Variants in BEND7 observed in about 807,000 individuals in gnomAD.
The protein encoded by BEND7 is BEN domain containing 7.
In BEND7, 28 loss-of-function variants were observed where a neutral mutation model predicts 50.9. The observed-to-expected ratio is 0.55, with a 90% confidence interval of 0.41 to 0.75. The LOEUF (loss-of-function observed/expected upper bound fraction) is 0.75. BEND7 is among the 30% of genes least tolerant of loss of function. The pLI, the probability that BEND7 is intolerant of heterozygous loss-of-function variation, is 0.00. For synonymous variants in BEND7, 170 were observed against 183.9 expected (o/e 0.92, Z 0.61); for missense variants, 477 against 491.3 (o/e 0.97, Z 0.28).
intron 6 of BEND7, among the ~76,000 whole-genome samples, chr10:13,477,656 AT>A (rs2075556260): frequency 6.6e-6 from 1 of 152,232 alleles, no homozygotes; most frequent in African/African-American, 2.4e-5. Context: ...TTTATATTCA[AT>A]TTTGGTTTCT....
intron 6 of BEND7, among the ~76,000 whole-genome samples, chr10:13,471,820 G>A (rs1402232699): frequency 1.3e-5 from 2 of 152,270 alleles, no homozygotes; most frequent in Admixed American, 6.5e-5. Context: ...CTTCACAGGG[G>A]CTGTTGTGTG....
chr10:13,453,991 G>C (rs1463743493), intron 6 of BEND7, among the ~76,000 whole-genome samples: 1 of 152,196 alleles, frequency 6.6e-6, no homozygotes, highest in African/African-American at 2.4e-5. Context: ...CAATCCGATT[G>C]TGCAGGAAGA....
intron 3 of BEND7, 39 bp from the exon 4 acceptor site, chr10:13,496,927 CCAA>C: frequency 1.2e-6 from 1 of 810,680 alleles, no homozygotes; most frequent in Non-Finnish European, 1.5e-6. Context: ...TCCAAACAAA[CCAA>C]AAAAAAAAAA....
chr10:13,499,810 T>C lies in BEND7; in HGVS notation c.416A>G (p.Gln139Arg). The C allele has an allele frequency of 6.2e-7, 1 of 1,610,336 alleles. No individual in the cohort carries two copies. The highest frequency in any genetic ancestry group is 1.1e-5 in the South Asian group (1 of 90,954). The change falls in exon 3 of 9, where the codon CAA becomes CGA. Residue 139 changes from glutamine to arginine, a missense_variant. Gln to Arg is a conservative substitution (Grantham distance 43, BLOSUM62 1). Around this residue, in one of 3 missense-constraint regions of BEND7, gnomAD observed 396 missense variants for 384.2 expected, o/e 1.03. Transcript: ENST00000466271. The stretch of plus-strand genomic sequence containing the variant: ...GCTCGTGGTAGGGTGGGGCTGGCTT[T>C]GGAAGGTTCTAGAACGGGTGCCATA... Reference protein sequence around the residue: ...GQYGTRSRTFQSQPHPTTSSN... With the variant: ...GQYGTRSRTFRSQPHPTTSSN...
chr10:13,480,201 T>G (rs375723969), intron 6 of BEND7, among the ~76,000 whole-genome samples: 3 of 152,228 alleles, frequency 2.0e-5, no homozygotes, highest in African/African-American at 7.2e-5. Flanking sequence ...ATTTTAAAGT[T>G]AAGAGAAGTA....
chr10:13,526,428 C>T (rs1159382698), intron 1 of BEND7, among the ~76,000 whole-genome samples: 1 of 152,196 alleles, frequency 6.6e-6, no homozygotes, highest in African/African-American at 2.4e-5. Context: ...TGAAAGATTA[C>T]TTTGGCTTTA....
At chr10:13,519,528 GGAGA>G (rs2078942094) in intron 2 of BEND7, among the ~76,000 whole-genome samples, 1 of 151,822 alleles carries the variant, frequency 6.6e-6, no homozygotes, top group African/African-American at 2.4e-5. Context: ...TCTGGGAGAA[GGAGA>G]GAGAATGGGG....
intron 4 of BEND7, among the ~76,000 whole-genome samples, chr10:13,494,983 G>A (rs564061324): frequency 5.3e-5 from 8 of 152,244 alleles, no homozygotes; most frequent in South Asian, 4.1e-4. Flanking sequence ...CTTTGGAATC[G>A]TTTACCTCCC....
chr10:13,476,035 C>G (rs910820912), intron 6 of BEND7, among the ~76,000 whole-genome samples: 1 of 152,172 alleles, frequency 6.6e-6, no homozygotes, highest in Admixed American at 6.5e-5. Flanking sequence ...TAAATCGATG[C>G]AAATTCCACC....
intron 2 of BEND7, among the ~76,000 whole-genome samples, chr10:13,509,783 G>A (rs184615919): frequency 1.6e-4 from 25 of 152,238 alleles, no homozygotes; most frequent in Middle Eastern, 3.4e-3. Flanking sequence ...TGGAGTTAAG[G>A]CAATGAATGG....
chr10:13,487,971 T>C (rs2076355863), intron 5 of BEND7, among the ~76,000 whole-genome samples: 1 of 150,282 alleles, frequency 6.7e-6, no homozygotes, highest in African/African-American at 2.5e-5. Flanking sequence ...CAGGCACCCA[T>C]AGTCCCAGCT....
At chr10:13,480,594 T>TTTTA in intron 6 of BEND7, 1 of 680,794 alleles carries the variant, frequency 1.5e-6, no homozygotes, top group Non-Finnish European at 1.7e-6. Context: ...CTGAGGAAGC[T>TTTTA]CTTAGAAATT....
chr10:13,507,833 A>G (rs1457822707), intron 2 of BEND7, among the ~76,000 whole-genome samples: 3 of 152,240 alleles, frequency 2.0e-5, no homozygotes, highest in African/African-American at 7.2e-5. Flanking sequence ...AACGTATTTT[A>G]AAGAAAAATG....
At chr10:13,496,928 C>CAAAAAAAAAAA (rs5783327) in intron 3 of BEND7, 40 bp from the exon 4 acceptor site, 8 of 1,133,394 alleles carry the variant, frequency 7.1e-6, no homozygotes, top group South Asian at 5.6e-5. Flanking sequence ...CCAAACAAAC[C>CAAAAAAAAAAA]AAAAAAAAAA....
At chr10:13,482,845 G>A (rs1169930614) in intron 5 of BEND7, among the ~76,000 whole-genome samples, 1 of 152,208 alleles carries the variant, frequency 6.6e-6, no homozygotes, top group African/African-American at 2.4e-5. Flanking sequence ...CAGAACAGAG[G>A]TGGTACATAC....
intron 6 of BEND7, among the ~76,000 whole-genome samples, chr10:13,474,296 T>C (rs1028434510): frequency 6.6e-6 from 1 of 151,740 alleles, no homozygotes; most frequent in South Asian, 2.1e-4. Context: ...TCATCGCTGT[T>C]AGATGCGGGG....
chr10:13,494,303 G>A (rs958589521), intron 4 of BEND7, among the ~76,000 whole-genome samples: 1 of 152,208 alleles, frequency 6.6e-6, no homozygotes, highest in Non-Finnish European at 1.5e-5. Context: ...TGTAGTCCCA[G>A]CTACTTGAGA....
Position 13,528,934 on chromosome 10 carries a change from G to C in BEND7, c.-401C>G, listed in dbSNP as rs992814754. 7.0e-6 allele frequency: 1 copy of C among 143,660 alleles called. No homozygotes were observed. Among genetic ancestry groups the C allele is most frequent in the Non-Finnish European group, 1.5e-5 (1 of 64,734 alleles). The allele number at this position is 143,660 out of a possible 1,614,324, so 8.9% of individuals were successfully genotyped here. A position where few individuals can be genotyped will look rare whatever the true frequency, so the allele number is the denominator to read the frequency against. On this transcript the variant is annotated 5_prime_UTR_variant, in exon 1 of 9. Coordinates refer to ENST00000466271, the MANE Select transcript of BEND7 (RefSeq NM_001369863.1). ...GGGGGCGGCTCGGGGCGGCCGGCCC[G>C]CCTGGGCTCAGCCTGCGGTCGCGGC...
intron 2 of BEND7, among the ~76,000 whole-genome samples, chr10:13,511,721 T>G (rs1337155792): frequency 1.3e-5 from 2 of 152,012 alleles, no homozygotes; most frequent in Admixed American, 1.3e-4. Context: ...ACAGAGCACT[T>G]AGTATGTACC....
Sources: allele counts gnomAD v4.1 joint callset (sites outside exome capture counted in the v4.1 genomes callset), GRCh38; gene constraint gnomAD v4.1.1; regional missense constraint gnomAD v4.1.1; transcripts MANE v1.5; gene names NCBI Gene and HGNC (gene_info 2026-07-23, HGNC 2026-07-21).